The following CTNNA3 variants were observed in gnomAD, a reference collection of about 807,000 sequenced individuals.
CTNNA3 encodes the protein catenin alpha-3.
CTNNA3 carries 76 observed loss-of-function variants against 95.7 expected under a neutral mutation model. That is an observed-to-expected ratio of 0.79 (90% CI 0.66 to 0.96). The LOEUF (loss-of-function observed/expected upper bound fraction) is 0.96. CTNNA3 is among the 40% of genes least tolerant of loss of function. The pLI is 0.00. For synonymous variants in CTNNA3, 431 were observed against 374.4 expected (o/e 1.15, Z -1.74); for missense variants, 1,191 against 1,089.8 (o/e 1.09, Z -1.31).
chr10:67,606,359 A>G (rs1304682952), intron 3 of CTNNA3, among the ~76,000 whole-genome samples: 1 of 152,242 alleles, frequency 6.6e-6, no homozygotes, highest in Non-Finnish European at 1.5e-5. Context: ...CAAAGCAGCA[A>G]CTTGGCTCAT....
chr10:67,581,411 A>G (rs563486345), intron 3 of CTNNA3, among the ~76,000 whole-genome samples: 4 of 152,218 alleles, frequency 2.6e-5, no homozygotes, highest in Admixed American at 2.6e-4. Flanking sequence ...GATGAAGCCA[A>G]CTTCATCACG....
chr10:67,692,053 G>C (rs544536347), intron 1 of CTNNA3, among the ~76,000 whole-genome samples: 5 of 142,910 alleles, frequency 3.5e-5, no homozygotes, highest in South Asian at 2.2e-4. Context: ...CAGCCGCCCC[G>C]TCCGGGAGGG....
At chr10:66,274,028 G>C (rs1447867854) in intron 13 of CTNNA3, among the ~76,000 whole-genome samples, 1 of 152,110 alleles carries the variant, frequency 6.6e-6, no homozygotes, top group Non-Finnish European at 1.5e-5. Context: ...AAAAAGGTGA[G>C]TGGATTCTTG....
intron 15 of CTNNA3, among the ~76,000 whole-genome samples, chr10:66,024,310 C>T (rs2079292470): frequency 6.6e-6 from 1 of 151,898 alleles, no homozygotes; most frequent in African/African-American, 2.4e-5. Flanking sequence ...AGGATGGTCT[C>T]GATCTCCTGA....
At chr10:67,739,447 A>C (rs1263661039) in intron 1 of CTNNA3, among the ~76,000 whole-genome samples, 1 of 152,220 alleles carries the variant, frequency 6.6e-6, no homozygotes, top group Non-Finnish European at 1.5e-5. Context: ...CTGATAAGCA[A>C]CTTCAGCAAA....
intron 5 of CTNNA3, among the ~76,000 whole-genome samples, chr10:67,388,785 C>T (rs1844316086): frequency 6.6e-6 from 1 of 151,896 alleles, no homozygotes; most frequent in South Asian, 2.1e-4. Context: ...AATTTTCAAC[C>T]CAGAATTTCA....
At chr10:66,982,057 T>A (rs965092182) in intron 7 of CTNNA3, among the ~76,000 whole-genome samples, 1 of 152,204 alleles carries the variant, frequency 6.6e-6, no homozygotes, top group African/African-American at 2.4e-5. Context: ...AGGGGCTCCA[T>A]ACACATAACA....
At chr10:66,397,612 T>C (rs1018242717) in intron 11 of CTNNA3, among the ~76,000 whole-genome samples, 2 of 151,732 alleles carry the variant, frequency 1.3e-5, no homozygotes, top group African/African-American at 4.8e-5. Flanking sequence ...TGTAGAGAAA[T>C]TTCAAGATAA....
At chr10:66,331,354 T>TGC in intron 12 of CTNNA3, among the ~76,000 whole-genome samples, 1 of 123,816 alleles carries the variant, frequency 8.1e-6, no homozygotes, top group African/African-American at 3.4e-5. Context: ...TTTTTTTTTT[T>TGC]TTTTTTTTTT....
intron 1 of CTNNA3, among the ~76,000 whole-genome samples, chr10:67,703,052 T>A (rs1476126433): frequency 6.6e-6 from 1 of 152,132 alleles, no homozygotes; most frequent in African/African-American, 2.4e-5. Context: ...CCTTGACATA[T>A]ACACCCTCCC....
chr10:67,442,364 T>A (rs555376435), intron 5 of CTNNA3, among the ~76,000 whole-genome samples: 1 of 151,916 alleles, frequency 6.6e-6, no homozygotes, highest in Non-Finnish European at 1.5e-5. Context: ...TTATCAATAA[T>A]AATATTGAAT....
At chr10:67,470,580 C>A (rs1357533272) in intron 5 of CTNNA3, among the ~76,000 whole-genome samples, 3 of 151,844 alleles carry the variant, frequency 2.0e-5, no homozygotes, top group Admixed American at 2.0e-4. Context: ...ATACAGACTG[C>A]CTTAGACAAG....
chr10:66,544,688 T>A (rs757300195), intron 10 of CTNNA3, among the ~76,000 whole-genome samples: 19 of 152,116 alleles, frequency 1.2e-4, no homozygotes, highest in Non-Finnish European at 1.3e-4. Context: ...TCAATTTATA[T>A]CTATAGGATA....
chr10:67,726,281 A>ATATGATATTATC (rs1564840982), intron 1 of CTNNA3, among the ~76,000 whole-genome samples: 2 of 92,876 alleles, frequency 2.2e-5, no homozygotes, highest in African/African-American at 1.0e-4. Flanking sequence ...TATATATTAT[A>ATATGATATTATC]TTACATATTA....
chr10:67,472,881 C>T (rs150046554), intron 5 of CTNNA3, among the ~76,000 whole-genome samples: 1 of 152,328 alleles, frequency 6.6e-6, no homozygotes, highest in East Asian at 1.9e-4. Context: ...CTTGCAACAT[C>T]TCCACCTTCA....
intron 5 of CTNNA3, among the ~76,000 whole-genome samples, chr10:67,416,691 T>C (rs1845560116): frequency 7.4e-6 from 1 of 134,612 alleles, no homozygotes; most frequent in East Asian, 2.2e-4. Flanking sequence ...CCAGTAAACA[T>C]ATGAAAAAAT....
intron 9 of CTNNA3, among the ~76,000 whole-genome samples, chr10:66,699,321 C>T (rs956404260): frequency 3.9e-5 from 6 of 152,072 alleles, no homozygotes; most frequent in African/African-American, 1.4e-4. Context: ...TACCAATTTC[C>T]ATTATCAGCA....
At chr10:66,874,923 T>C (rs927201217) in intron 7 of CTNNA3, among the ~76,000 whole-genome samples, 9 of 152,182 alleles carry the variant, frequency 5.9e-5, no homozygotes, top group Admixed American at 3.9e-4. Flanking sequence ...CTGCCTCCAT[T>C]TGGCTTACAG....
intron 12 of CTNNA3, among the ~76,000 whole-genome samples, chr10:66,336,695 A>C (rs1264182673): frequency 2.0e-5 from 3 of 152,034 alleles, no homozygotes; most frequent in East Asian, 3.9e-4. Context: ...ACTTTCCAAT[A>C]ATTTTTTTCA....
Sources: allele counts gnomAD v4.1 joint callset (sites outside exome capture counted in the v4.1 genomes callset), GRCh38; gene constraint gnomAD v4.1.1; transcripts MANE v1.5; gene names NCBI Gene and HGNC (gene_info 2026-07-23, HGNC 2026-07-21).